ATP11C: variants seen among roughly 807,000 people sequenced by gnomAD.
The protein encoded by ATP11C is ATPase phospholipid transporting 11C (ATP11C blood group).
Under a neutral mutation model 97.4 loss-of-function variants are expected in ATP11C, and 36 were observed. The ratio of observed to expected loss-of-function variants is 0.37; its 90% CI spans 0.28 to 0.49. The LOEUF (loss-of-function observed/expected upper bound fraction) is 0.49, where lower values mean the gene tolerates loss of function less well. Among genes scored for constraint, ATP11C ranks in the 20% least tolerant of loss-of-function variants. The pLI is 0.98. For synonymous variants in ATP11C, 275 were observed against 290.9 expected, an observed-to-expected ratio of 0.95 and a Z score of 0.56; for missense variants, 730 against 824.6, an observed-to-expected ratio of 0.89 and a Z score of 1.40.
chrX:139,833,160 A>C (rs775918593), intron 1 of ATP11C, among the ~76,000 whole-genome samples: 1 of 112,265 alleles, frequency 8.9e-6, no homozygotes, highest in Non-Finnish European at 1.9e-5. Flanking sequence ...TGCCAGTTCA[A>C]ATACAAGTTG....
chrX:139,900,085 TGCTGGCCGG>T (rs1455844118), intron 1 of ATP11C, among the ~76,000 whole-genome samples: 4 of 111,830 alleles, frequency 3.6e-5, no homozygotes, highest in Non-Finnish European at 7.5e-5. Context: ...AAATTGCTAA[TGCTGGCCGG>T]GCGCGGTGGC....
intron 1 of ATP11C, among the ~76,000 whole-genome samples, chrX:139,833,373 A>G (rs1277409516): frequency 8.9e-6 from 1 of 111,787 alleles, no homozygotes; most frequent in South Asian, 3.8e-4. Context: ...GCTTAGTTGA[A>G]TAAATGAAGA....
chrX:139,841,729 A>ACAT (rs2083834750), intron 1 of ATP11C, among the ~76,000 whole-genome samples: 1 of 112,402 alleles, frequency 8.9e-6, no homozygotes, highest in Admixed American at 9.4e-5. Flanking sequence ...CCACTTATGA[A>ACAT]ATTTTCTGGT....
intron 1 of ATP11C, among the ~76,000 whole-genome samples, chrX:139,881,225 G>A (rs995654238): frequency 5.4e-5 from 6 of 111,162 alleles, no homozygotes; most frequent in African/African-American, 1.6e-4. Context: ...ACCACATTAC[G>A]AATAAGGAAT....
At chrX:139,807,984 G>A (rs1017718359) in intron 5 of ATP11C, among the ~76,000 whole-genome samples, 2 of 108,094 alleles carry the variant, frequency 1.9e-5, no homozygotes, top group Non-Finnish European at 3.8e-5. Context: ...GATATTAAAT[G>A]GTACGGTATT....
chrX:139,902,989 T>C (rs1370457313), intron 1 of ATP11C, among the ~76,000 whole-genome samples: 1 of 111,995 alleles, frequency 8.9e-6, no homozygotes, highest in African/African-American at 3.2e-5. Context: ...ATAAGCTCAA[T>C]AATCCCAGAT....
chrX:139,798,252 T>G (rs1292287768), intron 10 of ATP11C, 21 bp downstream of exon 10: 7 of 1,165,338 alleles, frequency 6.0e-6, no homozygotes, highest in Non-Finnish European at 8.1e-6. Flanking sequence ...AATGACTAAA[T>G]AAATTGTGGC....
intron 1 of ATP11C, among the ~76,000 whole-genome samples, chrX:139,912,399 T>C (rs1177814875): frequency 9.0e-6 from 1 of 110,737 alleles, no homozygotes; most frequent in African/African-American, 3.3e-5. Context: ...TAGAATTGTA[T>C]TGCTAATGTT....
intron 20 of ATP11C, among the ~76,000 whole-genome samples, chrX:139,767,181 G>A (rs1306353085): frequency 8.9e-6 from 1 of 111,914 alleles, no homozygotes; most frequent in Non-Finnish European, 1.9e-5. Flanking sequence ...ATGTATGATA[G>A]GAAGAGTTGT....
At chrX:139,857,039 T>C (rs1239557091) in intron 1 of ATP11C, among the ~76,000 whole-genome samples, 2 of 112,052 alleles carry the variant, frequency 1.8e-5, no homozygotes, top group African/African-American at 6.5e-5. Context: ...ATGACCTCTT[T>C]ACAGGATGGC....
chrX:139,824,377 A>G lies in ATP11C; in HGVS notation c.147+2327T>C, dbSNP rs748093914. ...CTGTAGAGGCCAAATTTTTCTAAAG[A>G]AAGTATTTGTGTTCCCAGGAGATAA... On this transcript the variant is annotated intron_variant, in intron 2 of 29. Transcript: ENST00000682941. Among the ~76,000 whole-genome samples the G allele has an allele frequency of 3.1e-3, 337 of 108,119 alleles. 1 individual carries two copies. Among genetic ancestry groups the G allele is most frequent in the Non-Finnish European group, 4.8e-3 (255 of 52,951 alleles). The allele number at this position is 108,119 out of a possible 115,157, so 93.9% of individuals were successfully genotyped here. A position where few individuals can be genotyped will look rare whatever the true frequency, so the allele number is the denominator to read the frequency against.
intron 23 of ATP11C, among the ~76,000 whole-genome samples, chrX:139,754,485 C>A (rs975175884): frequency 5.4e-5 from 6 of 111,974 alleles, no homozygotes; most frequent in Non-Finnish European, 1.1e-4. Context: ...CTAAATCATT[C>A]TATCAGGCCA....
At chrX:139,829,269 T>A (rs2485733) in intron 1 of ATP11C, among the ~76,000 whole-genome samples, 19,515 of 110,749 alleles carry the variant, frequency 0.18, 2,874 homozygotes, top group African/African-American at 0.48. Flanking sequence ...GAAGTAGGTG[T>A]CTTTTCCGTG....
intron 1 of ATP11C, among the ~76,000 whole-genome samples, chrX:139,851,365 T>A (rs143723937): frequency 9.0e-6 from 1 of 110,966 alleles, no homozygotes; most frequent in Non-Finnish European, 1.9e-5. Context: ...AATATGAGAG[T>A]TGTGGGGGCA....
intron 2 of ATP11C, among the ~76,000 whole-genome samples, chrX:139,822,721 G>A (rs1176179776): frequency 1.8e-5 from 2 of 108,125 alleles, no homozygotes; most frequent in African/African-American, 6.7e-5. Context: ...GCCAATTTTT[G>A]TATTTTTTGT....
chrX:139,920,350 C>CCA (rs2085238072), intron 1 of ATP11C, among the ~76,000 whole-genome samples: 4 of 56,782 alleles, frequency 7.0e-5, no homozygotes, highest in Admixed American at 2.3e-4. Context: ...GACTCCACCT[C>CCA]AAAAAAAAAA....
rs754897886 is a variant in ATP11C at position 139,788,149 on chromosome X, T to A, written c.1520+43A>T. 30 of 1,109,682 alleles carry A rather than the reference T, an allele frequency of 2.7e-5. No individual in the cohort carries two copies. In the South Asian group the frequency reaches 6.3e-4, roughly 23 times the overall value. 91.5% of individuals were successfully genotyped at this position (1,109,682 alleles called of 1,213,427 possible). ...AAAACAAATAACTTCTGTCCTCCTG[T>A]GATTTCACTTTCTTAGGAGAAGTAT... On this transcript the variant is annotated intron_variant, in intron 14 of 29. Transcript: ENST00000682941.
intron 11 of ATP11C, 133 bp from the exon 12 acceptor site, chrX:139,796,603 T>C (rs2057669101): frequency 2.2e-6 from 1 of 455,929 alleles, no homozygotes; most frequent in Non-Finnish European, 3.7e-6. Flanking sequence ...TGGAACTTCC[T>C]AATAACACTA....
At chrX:139,887,986 AC>A (rs200163251) in intron 1 of ATP11C, among the ~76,000 whole-genome samples, 9,614 of 104,063 alleles carry the variant, frequency 0.092, 1,356 homozygotes, top group African/African-American at 0.34. Flanking sequence ...AAAAAAAAAA[AC>A]ACACACACAA....
Sources: gnomAD v4.1 joint callset for allele counts (sites outside exome capture counted in the v4.1 genomes callset) on GRCh38, gnomAD v4.1.1 for gene constraint, MANE v1.5 for transcripts, NCBI Gene and HGNC (gene_info 2026-07-23, HGNC 2026-07-21) for gene names.